The following CDH13 variants were observed in gnomAD, a reference collection of about 807,000 sequenced individuals.
CDH13 encodes the protein cadherin 13.
CDH13 carries 24 observed loss-of-function variants against 63.8 expected under a neutral mutation model. That is an observed-to-expected ratio of 0.38 (90% CI 0.27 to 0.53). CDH13 has a LOEUF of 0.53. CDH13 is among the 20% of genes least tolerant of loss of function. CDH13 has a pLI of 0.85. For missense variants in CDH13, 1,049 were observed against 903.1 expected (o/e 1.16, Z -2.07); for synonymous variants, 503 against 355.3 (o/e 1.42, Z -4.67).
At chr16:83,044,914 G>T (rs576625430) in intron 3 of CDH13, among the ~76,000 whole-genome samples, 2 of 152,148 alleles carry the variant, frequency 1.3e-5, no homozygotes, top group African/African-American at 2.4e-5. Context: ...GATAGAACAA[G>T]ATAATGTAAT....
chr16:83,304,712 A>G (rs1160203165), intron 5 of CDH13, among the ~76,000 whole-genome samples: 1 of 152,208 alleles, frequency 6.6e-6, no homozygotes, highest in East Asian at 1.9e-4. Flanking sequence ...TGAGATATTT[A>G]TAAGCAAGGC....
intron 4 of CDH13, among the ~76,000 whole-genome samples, chr16:83,146,092 G>T (rs989994224): frequency 6.6e-6 from 1 of 151,816 alleles, no homozygotes. Flanking sequence ...TACTCAGAAG[G>T]CTGGGGCAGG....
At chr16:83,728,342 C>CTTGTGTGTGTGTGTGTGTGT (rs1555521385) in intron 10 of CDH13, among the ~76,000 whole-genome samples, 1 of 149,212 alleles carries the variant, frequency 6.7e-6, no homozygotes, top group Non-Finnish European at 1.5e-5. Flanking sequence ...TATGTGTGTG[C>CTTGTGTGTGTGTGTGTGTGT]GTGTGTGTGT....
rs150493441 is a variant in CDH13 at position 82,694,909 on chromosome 16, T to A, written c.45+67772T>A. ...GGGTATTCTTACTGAGCATAACAGA[T>A]GGAACTGAGGAGTCAAGGAGGGAAG... On this transcript the variant is annotated intron_variant, in intron 1 of 13. Coordinates refer to ENST00000567109, the MANE Select transcript of CDH13 (RefSeq NM_001257.5). Among the ~76,000 whole-genome samples, 9 of 152,232 alleles carry A rather than the reference T, an allele frequency of 5.9e-5. No individual in the cohort carries two copies. The East Asian group carries it at 1.5e-3, about 26-fold the overall frequency.
Position 83,500,643 on chromosome 16 carries a change from G to T in CDH13, c.960+13988G>T, listed in dbSNP as rs1266776578. On this transcript the variant is annotated intron_variant, in intron 7 of 13. Coordinates refer to ENST00000567109, the MANE Select transcript of CDH13 (RefSeq NM_001257.5). ...GCTGGAGTGCAATGGCACGATCTTG[G>T]CTTACCACAACCTCAGACTCCTGGA... is the stretch of plus-strand genomic sequence containing the variant. 3.6e-5 allele frequency among the ~76,000 whole-genome samples: 5 copies of T among 138,682 alleles called. No individual in the cohort carries two copies. In the East Asian group the frequency reaches 1.0e-3, roughly 29 times the overall value. The allele number at this position is 138,682 out of a possible 152,430, so 91.0% of individuals were successfully genotyped here.
At chr16:82,749,947 A>T (rs2034341067) in intron 1 of CDH13, among the ~76,000 whole-genome samples, 1 of 152,204 alleles carries the variant, frequency 6.6e-6, no homozygotes, top group Non-Finnish European at 1.5e-5. Context: ...AGAAACATGG[A>T]ACTAAAGGCA....
chr16:83,403,276 T>C (rs2091994451), intron 6 of CDH13, among the ~76,000 whole-genome samples: 1 of 152,188 alleles, frequency 6.6e-6, no homozygotes, highest in Non-Finnish European at 1.5e-5. Context: ...GACTCACCAC[T>C]TCCTAGAATG....
chr16:83,504,150 T>G (rs890381956), intron 7 of CDH13, among the ~76,000 whole-genome samples: 1 of 152,192 alleles, frequency 6.6e-6, no homozygotes, highest in Non-Finnish European at 1.5e-5. Flanking sequence ...AGATGCCCGT[T>G]CCTCTGAATG....
intron 1 of CDH13, among the ~76,000 whole-genome samples, chr16:82,737,919 C>T (rs907557654): frequency 3.9e-5 from 6 of 152,346 alleles, no homozygotes; most frequent in South Asian, 2.1e-4. Flanking sequence ...CAATATCATT[C>T]ACCTCCAAAC....
At chr16:83,064,976 TG>T (rs2031878660) in intron 3 of CDH13, among the ~76,000 whole-genome samples, 1 of 152,138 alleles carries the variant, frequency 6.6e-6, no homozygotes, top group Non-Finnish European at 1.5e-5. Context: ...TCTGAAACTT[TG>T]CACTCTTAGC....
At chr16:83,037,425 G>T (rs1159308623) in intron 3 of CDH13, among the ~76,000 whole-genome samples, 2 of 152,168 alleles carry the variant, frequency 1.3e-5, no homozygotes, top group Admixed American at 6.5e-5. Context: ...ATTGCCCATG[G>T]GTCTAGGAGA....
chr16:82,867,339 C>A (rs905187842), intron 2 of CDH13, among the ~76,000 whole-genome samples: 1 of 152,136 alleles, frequency 6.6e-6, no homozygotes, highest in Non-Finnish European at 1.5e-5. Flanking sequence ...TTTCCCATCA[C>A]TTTTATCAAC....
At chr16:83,759,702 A>G (rs1004372289) in intron 11 of CDH13, among the ~76,000 whole-genome samples, 1 of 152,140 alleles carries the variant, frequency 6.6e-6, no homozygotes, top group Admixed American at 6.6e-5. Context: ...CAAGGTGGGC[A>G]GATCACTTGA....
chr16:83,219,398 G>T (rs1356703755), intron 5 of CDH13, among the ~76,000 whole-genome samples: 6 of 152,122 alleles, frequency 3.9e-5, no homozygotes, highest in African/African-American at 1.4e-4. Context: ...TCAAATCATG[G>T]CTATCATGTA....
At chr16:83,549,907 C>T (rs1024206026) in intron 7 of CDH13, among the ~76,000 whole-genome samples, 3 of 152,112 alleles carry the variant, frequency 2.0e-5, no homozygotes, top group Non-Finnish European at 2.9e-5. Context: ...AAGACTCTGA[C>T]GGAGGTTTTA....
chr16:83,653,209 A>G (rs544046524), intron 8 of CDH13, among the ~76,000 whole-genome samples: 1 of 152,300 alleles, frequency 6.6e-6, no homozygotes, highest in South Asian at 2.1e-4. Flanking sequence ...GTGTTAAAAA[A>G]ATTCTAAAAT....
At chr16:83,735,531 C>T (rs188027698) in intron 10 of CDH13, 1 of 152,222 alleles carries the variant, frequency 6.6e-6, no homozygotes, top group Admixed American at 6.5e-5. Context: ...TCAACATCTC[C>T]CCCTTCTTCA....
chr16:82,770,575 G>C (rs890579089), intron 1 of CDH13, among the ~76,000 whole-genome samples: 3 of 152,124 alleles, frequency 2.0e-5, no homozygotes, highest in Admixed American at 2.0e-4. Flanking sequence ...ATTATGCTTT[G>C]AGTTATATTG....
intron 5 of CDH13, among the ~76,000 whole-genome samples, chr16:83,299,855 C>T (rs1227164985): frequency 6.6e-6 from 1 of 152,128 alleles, no homozygotes; most frequent in African/African-American, 2.4e-5. Flanking sequence ...TGAGATCAGG[C>T]GTCTCCTCAT....
Sources: allele counts gnomAD v4.1 joint callset (sites outside exome capture counted in the v4.1 genomes callset), GRCh38; gene constraint gnomAD v4.1.1; transcripts MANE v1.5; gene names NCBI Gene and HGNC (gene_info 2026-07-23, HGNC 2026-07-21).